Variants in CNTNAP5 observed in about 807,000 individuals in gnomAD.
CNTNAP5 encodes the protein contactin-associated protein-like 5.
CNTNAP5 carries 72 observed loss-of-function variants against 150.2 expected under a neutral mutation model. The ratio of observed to expected loss-of-function variants is 0.48; its 90% CI spans 0.40 to 0.58. The LOEUF is 0.58. CNTNAP5 is among the 20% of genes least tolerant of loss of function. The probability of loss-of-function intolerance (pLI) is 0.00; values close to 1 mark genes in which losing one functional copy is unlikely to be tolerated. For synonymous variants in CNTNAP5, 672 were observed against 619.8 expected, an observed-to-expected ratio of 1.08 and a Z score of -1.25; for missense variants, 1,636 against 1,626.2, an observed-to-expected ratio of 1.01 and a Z score of -0.10.
chr2:124,861,816 A>C (rs1364351597), intron 19 of CNTNAP5, among the ~76,000 whole-genome samples: 2 of 151,904 alleles, frequency 1.3e-5, no homozygotes, highest in Non-Finnish European at 2.9e-5. Flanking sequence ...ATTTTATTCT[A>C]TTATTATTAG....
chr2:124,580,201 G>A (rs1052977028), intron 11 of CNTNAP5, among the ~76,000 whole-genome samples: 9 of 152,222 alleles, frequency 5.9e-5, no homozygotes, highest in African/African-American at 2.2e-4. Context: ...GTTCTGGTCA[G>A]TCTCTCAAAA....
intron 3 of CNTNAP5, among the ~76,000 whole-genome samples, chr2:124,396,861 G>A (rs1691260747): frequency 6.6e-6 from 1 of 152,108 alleles, no homozygotes; most frequent in African/African-American, 2.4e-5. Context: ...TAAACATTTG[G>A]TGTTAGAATA....
intron 19 of CNTNAP5, among the ~76,000 whole-genome samples, chr2:124,835,942 G>C (rs1382963144): frequency 1.3e-5 from 2 of 152,080 alleles, no homozygotes; most frequent in Non-Finnish European, 2.9e-5. Flanking sequence ...CCAATACCCT[G>C]GCAAACATAT....
intron 12 of CNTNAP5, among the ~76,000 whole-genome samples, chr2:124,629,084 G>GACTCA (rs1395945439): frequency 6.6e-6 from 1 of 152,128 alleles, no homozygotes; most frequent in Non-Finnish European, 1.5e-5. Flanking sequence ...CCCACAAAGA[G>GACTCA]ACTCAGACCC....
intron 21 of CNTNAP5, among the ~76,000 whole-genome samples, chr2:124,889,078 C>CTTTTTT (rs761790564): frequency 2.9e-5 from 2 of 68,782 alleles, no homozygotes; most frequent in African/African-American, 5.7e-5. Flanking sequence ...TGAGGTCTAG[C>CTTTTTT]TTTTTTTTTT....
In CNTNAP5 at chr2:124,527,444, G is replaced by A. The variant is rs367937965; in HGVS notation, c.1637G>A (p.Ser546Asn). Residue 546 changes from serine to asparagine, a missense_variant, in exon 10 of 24, where the codon AGC (serine) becomes AAC (asparagine). By Grantham distance (46) the Ser-to-Asn change is conservative. Transcript: ENST00000682447. ...AGTGATTTACACATTGATCTGTGTA[G>A]CATCAAAGACAGGTAATTATTGTCT... ...NFSDLHIDLC[S>N]IKDRCLPNYC... The A allele has an allele frequency of 2.5e-6, 4 of 1,612,106 alleles. No individual in the cohort carries two copies. The highest frequency in any genetic ancestry group is 2.2e-5 in the South Asian group (2 of 90,882).
At chr2:124,618,893 A>G (rs773442250) in intron 12 of CNTNAP5, among the ~76,000 whole-genome samples, 8 of 152,194 alleles carry the variant, frequency 5.3e-5, no homozygotes, top group Admixed American at 1.3e-4. Context: ...AACCTGAACA[A>G]GAAAAGACCA....
Position 124,034,991 on chromosome 2 carries a change from TCCCTC to T in CNTNAP5, c.82+9282_82+9286del, listed in dbSNP as rs1240092032. Reference sequence around the variant, plus strand: ...ATTAAGACATGTTATCCACAAGTCCTCCCTCCCCTCCCCTCCCCTCCCCTCCCTCC... The same window carrying T: ...ATTAAGACATGTTATCCACAAGTCCTCCCTCCCCTCCCCTCCCCTCCCTCC... On this transcript the variant is annotated intron_variant, in intron 1 of 23. Transcript: ENST00000682447. Among the ~76,000 whole-genome samples the T allele has an allele frequency of 2.5e-3, 329 of 132,792 alleles. 2 individuals carry two copies. Among genetic ancestry groups the T allele is most frequent in the African/African-American group, 8.4e-3 (305 of 36,506 alleles). The allele number at this position is 132,792 out of a possible 152,430, so 87.1% of individuals were successfully genotyped here. A position where few individuals can be genotyped will look rare whatever the true frequency, so the allele number is the denominator to read the frequency against.
chr2:124,038,310 G>A (rs144714849), intron 1 of CNTNAP5, among the ~76,000 whole-genome samples: 2 of 152,158 alleles, frequency 1.3e-5, no homozygotes, highest in African/African-American at 2.4e-5. Flanking sequence ...TGAGAACTTA[G>A]GCCTGCTGCT....
intron 18 of CNTNAP5, among the ~76,000 whole-genome samples, chr2:124,793,835 G>A (rs1681788456): frequency 6.6e-6 from 1 of 152,046 alleles, no homozygotes; most frequent in African/African-American, 2.4e-5. Context: ...GGGTACCACT[G>A]TCATAGTGTT....
chr2:124,548,275 G>C (rs188889608), intron 10 of CNTNAP5, among the ~76,000 whole-genome samples: 195 of 152,294 alleles, frequency 1.3e-3, no homozygotes, highest in African/African-American at 4.3e-3. Flanking sequence ...TTGTTGGCCA[G>C]CTGTAGTTTG....
intron 19 of CNTNAP5, among the ~76,000 whole-genome samples, chr2:124,826,338 A>G (rs1682592436): frequency 6.6e-6 from 1 of 151,812 alleles, no homozygotes; most frequent in African/African-American, 2.4e-5. Flanking sequence ...GGGCCCATAG[A>G]GGTTCAAATT....
chr2:124,262,381 G>T (rs1687480995), intron 3 of CNTNAP5, among the ~76,000 whole-genome samples: 1 of 152,218 alleles, frequency 6.6e-6, no homozygotes. Flanking sequence ...AATCCAGTGT[G>T]AGGCTAATAC....
intron 21 of CNTNAP5, among the ~76,000 whole-genome samples, chr2:124,874,789 A>G (rs1677820204): frequency 6.6e-6 from 1 of 152,088 alleles, no homozygotes; most frequent in Non-Finnish European, 1.5e-5. Context: ...AAGAGACATT[A>G]AAATGGAATT....
intron 19 of CNTNAP5, among the ~76,000 whole-genome samples, chr2:124,842,983 C>G (rs1052603222): frequency 6.6e-6 from 1 of 151,662 alleles, no homozygotes; most frequent in Non-Finnish European, 1.5e-5. Flanking sequence ...TGGTGATTTC[C>G]GAGATTTTGG....
At chr2:124,288,945 T>C (rs756191278) in intron 3 of CNTNAP5, among the ~76,000 whole-genome samples, 2 of 152,222 alleles carry the variant, frequency 1.3e-5, no homozygotes, top group Non-Finnish European at 2.9e-5. Context: ...ATTCTAGCCC[T>C]AGATGACAAG....
At chr2:124,339,613 T>C (rs111431484) in intron 3 of CNTNAP5, among the ~76,000 whole-genome samples, 1 of 152,164 alleles carries the variant, frequency 6.6e-6, no homozygotes, top group Non-Finnish European at 1.5e-5. Flanking sequence ...ATATGTGTAA[T>C]TGCCTGATGG....
At chr2:124,802,372 A>G (rs1032200485) in intron 19 of CNTNAP5, among the ~76,000 whole-genome samples, 7 of 152,214 alleles carry the variant, frequency 4.6e-5, no homozygotes, top group Admixed American at 2.6e-4. Context: ...AATTTCTCCA[A>G]CTAGAGAATC....
intron 1 of CNTNAP5, among the ~76,000 whole-genome samples, chr2:124,142,201 A>T (rs1273904829): frequency 1.7e-5 from 2 of 117,568 alleles, no homozygotes; most frequent in East Asian, 5.7e-4. Context: ...GGAGACTTTA[A>T]CACCCCACTG....
Sources: gnomAD v4.1 joint callset for allele counts (sites outside exome capture counted in the v4.1 genomes callset) on GRCh38, gnomAD v4.1.1 for gene constraint, MANE v1.5 for transcripts, NCBI Gene and HGNC (gene_info 2026-07-23, HGNC 2026-07-21) for gene names.